Variants in ADAMTS3 observed in about 807,000 individuals in gnomAD.
ADAMTS3 encodes the protein A disintegrin and metalloproteinase with thrombospondin motifs 3.
A neutral mutation model predicts 129.0 loss-of-function variants in ADAMTS3; 73 were observed. The ratio of observed to expected loss-of-function variants is 0.57; its 90% CI spans 0.47 to 0.69. ADAMTS3 has a LOEUF of 0.69. ADAMTS3 is among the 30% of genes least tolerant of loss of function. The pLI is 0.00. For missense variants in ADAMTS3, 1,457 were observed against 1,514.5 expected, an observed-to-expected ratio of 0.96 and a Z score of 0.63; for synonymous variants, 477 against 510.8, an observed-to-expected ratio of 0.93 and a Z score of 0.89.
At chr4:72,447,282 G>T (rs1371372026) in intron 3 of ADAMTS3, among the ~76,000 whole-genome samples, 1 of 151,696 alleles carries the variant, frequency 6.6e-6, no homozygotes, top group East Asian at 2.0e-4. Context: ...AGCAATTAAA[G>T]AAGCTGCCAT....
chr4:72,516,637 A>T (rs1085958), intron 3 of ADAMTS3, among the ~76,000 whole-genome samples: 99,084 of 151,950 alleles, frequency 0.65, 32,947 homozygotes, highest in African/African-American at 0.79. Flanking sequence ...GCTCTCTGCT[A>T]GTCCGTTATT....
chr4:72,297,165 T>A (rs1354412225), intron 18 of ADAMTS3, among the ~76,000 whole-genome samples: 1 of 152,032 alleles, frequency 6.6e-6, no homozygotes, highest in African/African-American at 2.4e-5. Context: ...GAGAAGAACA[T>A]CAATATTAGT....
chr4:72,343,576 A>C (rs1396075613), intron 4 of ADAMTS3, among the ~76,000 whole-genome samples: 1 of 152,196 alleles, frequency 6.6e-6, no homozygotes, highest in Non-Finnish European at 1.5e-5. Context: ...TTTGAAAAAC[A>C]ACCTTTGAGC....
intron 3 of ADAMTS3, among the ~76,000 whole-genome samples, chr4:72,422,199 A>T (rs1722463606): frequency 6.6e-6 from 1 of 152,166 alleles, no homozygotes; most frequent in African/African-American, 2.4e-5. Context: ...TGTCATGCCT[A>T]CAATTATATA....
chr4:72,322,365 G>T (rs192520725), intron 6 of ADAMTS3, among the ~76,000 whole-genome samples: 143 of 152,270 alleles, frequency 9.4e-4, no homozygotes, highest in East Asian at 3.9e-4. Flanking sequence ...CAAGAAAGTT[G>T]TCAGGCTAGT....
chr4:72,288,966 A>ACACACACACT, intron 20 of ADAMTS3, 98 bp from the exon 21 acceptor site: 1 of 755,424 alleles, frequency 1.3e-6, no homozygotes. Context: ...ACACACACAC[A>ACACACACACT]CAAAGACACA....
chr4:72,344,680 C>A (rs935492258), intron 4 of ADAMTS3, among the ~76,000 whole-genome samples: 1 of 152,070 alleles, frequency 6.6e-6, no homozygotes, highest in Non-Finnish European at 1.5e-5. Flanking sequence ...CCAGTAGGTG[C>A]ACACCCCTTT....
At chr4:72,562,603 T>C (rs1721928383) in intron 2 of ADAMTS3, among the ~76,000 whole-genome samples, 1 of 152,170 alleles carries the variant, frequency 6.6e-6, no homozygotes, top group Admixed American at 6.5e-5. Flanking sequence ...ATACAGTGTG[T>C]GTACTGAAAG....
At chr4:72,284,311 G>T (rs1015161154) in intron 21 of ADAMTS3, among the ~76,000 whole-genome samples, 7 of 152,066 alleles carry the variant, frequency 4.6e-5, no homozygotes, top group Non-Finnish European at 1.0e-4. Context: ...CAGGCGCGGT[G>T]GCAGGCGCCT....
At chr4:72,316,066 G>A (rs1393739568) in intron 10 of ADAMTS3, 95 bp from the exon 11 acceptor site, 1 of 609,394 alleles carries the variant, frequency 1.6e-6, no homozygotes, top group Non-Finnish European at 2.6e-6. Flanking sequence ...CCTGTTTCTT[G>A]GATGTGTTTA....
At chr4:72,312,156 G>A (rs988677504) in intron 13 of ADAMTS3, 135 bp downstream of exon 13, 17 of 863,886 alleles carry the variant, frequency 2.0e-5, no homozygotes. Flanking sequence ...AGAAACCCAG[G>A]AGAACTTACT....
chr4:72,319,790 A>G, intron 8 of ADAMTS3, 68 bp downstream of exon 8: 1 of 1,307,808 alleles, frequency 7.6e-7, no homozygotes, highest in Non-Finnish European at 1.1e-6. Context: ...CCAAAGAGGA[A>G]ACAATACTGG....
intron 2 of ADAMTS3, among the ~76,000 whole-genome samples, chr4:72,562,160 C>T (rs572832385): frequency 8.5e-5 from 13 of 152,118 alleles, no homozygotes; most frequent in Admixed American, 2.6e-4. Flanking sequence ...ATTACGAATT[C>T]GCTGCATCTT....
intron 3 of ADAMTS3, among the ~76,000 whole-genome samples, chr4:72,523,967 C>G (rs1578760507): frequency 1.3e-5 from 2 of 151,746 alleles, no homozygotes; most frequent in South Asian, 4.1e-4. Flanking sequence ...TTATTCTTTT[C>G]TATTGTTAGG....
intron 3 of ADAMTS3, among the ~76,000 whole-genome samples, chr4:72,471,045 C>T (rs1166995543): frequency 6.6e-6 from 1 of 152,074 alleles, no homozygotes; most frequent in Non-Finnish European, 1.5e-5. Context: ...TTTCATGGAA[C>T]ACCATTTTTA....
At chr4:72,426,492 G>A (rs1722577376) in intron 3 of ADAMTS3, among the ~76,000 whole-genome samples, 1 of 151,958 alleles carries the variant, frequency 6.6e-6, no homozygotes, top group South Asian at 2.1e-4. Context: ...ACTCATCTTG[G>A]CAGAAGACAT....
chr4:72,414,121 A>G (rs1423036145), intron 4 of ADAMTS3, among the ~76,000 whole-genome samples: 1 of 151,814 alleles, frequency 6.6e-6, no homozygotes, highest in Non-Finnish European at 1.5e-5. Context: ...ACTTCTTGAG[A>G]TTTGGTTAAA....
chr4:72,444,860 C>T (rs1718211443), intron 3 of ADAMTS3, among the ~76,000 whole-genome samples: 1 of 151,638 alleles, frequency 6.6e-6, no homozygotes, highest in South Asian at 2.1e-4. Flanking sequence ...GCACACAATT[C>T]TGCAATGAAA....
At chr4:72,478,275 T>C (rs1291016917) in intron 3 of ADAMTS3, among the ~76,000 whole-genome samples, 2 of 151,626 alleles carry the variant, frequency 1.3e-5, no homozygotes, top group African/African-American at 4.9e-5. Flanking sequence ...TTGATGAACA[T>C]TGATGCAAAA....
Sources: gnomAD v4.1 joint callset for allele counts (sites outside exome capture counted in the v4.1 genomes callset) on GRCh38, gnomAD v4.1.1 for gene constraint, MANE v1.5 for transcripts, NCBI Gene and HGNC (gene_info 2026-07-23, HGNC 2026-07-21) for gene names.